OSGIN1: variants seen among roughly 807,000 people sequenced by gnomAD.
The protein encoded by OSGIN1 is oxidative stress induced growth inhibitor 1, also known as oxidative stress-induced growth inhibitor 1.
Under a neutral mutation model 20.1 loss-of-function variants are expected in OSGIN1, and 19 were observed. That is an observed-to-expected ratio of 0.95 (90% CI 0.66 to 1.39). OSGIN1 has a LOEUF of 1.39. Among genes scored for constraint, OSGIN1 ranks in the 40% most tolerant of loss-of-function variants. The pLI is 0.00. For missense variants in OSGIN1, 820 were observed against 653.0 expected, an observed-to-expected ratio of 1.26 and a Z score of -2.79; for synonymous variants, 368 against 297.8, an observed-to-expected ratio of 1.24 and a Z score of -2.43.
chr16:83,957,932 A>G (rs373955901), intron 2 of OSGIN1, among the ~76,000 whole-genome samples, 194 bp downstream of exon 2: 1 of 151,938 alleles, frequency 6.6e-6, no homozygotes, highest in Admixed American at 6.6e-5. Context: ...GCTGGAGTGC[A>G]GTAGTGCAAT....
At chr16:83,957,596 G>C (rs779890411) in intron 1 of OSGIN1, 44 bp from the exon 2 acceptor site, 1 of 985,578 alleles carries the variant, frequency 1.0e-6, no homozygotes, top group Non-Finnish European at 1.6e-6. Flanking sequence ...GGACACCCAG[G>C]CCTCACCCGA....
At chr16:83,958,203 T>C (rs1172716826) in intron 2 of OSGIN1, among the ~76,000 whole-genome samples, 1 of 152,208 alleles carries the variant, frequency 6.6e-6, no homozygotes, top group Admixed American at 6.5e-5. Context: ...ACAGTGGTCT[T>C]TAAATTAAGC....
At chr16:83,957,523 A>T (rs545836887) in intron 1 of OSGIN1, 117 bp from the exon 2 acceptor site, 3 of 640,656 alleles carry the variant, frequency 4.7e-6, no homozygotes, top group East Asian at 6.2e-5. Flanking sequence ...TCTCATGGGG[A>T]CCCCGGACCA....
intron 1 of OSGIN1, chr16:83,954,253 A>G (rs149610153): frequency 6.6e-6 from 1 of 152,376 alleles, no homozygotes; most frequent in Non-Finnish European, 1.5e-5. Context: ...ACGCAGACAT[A>G]CAGGTGTCCC....
chr16:83,965,738 G>T lies in OSGIN1; in HGVS notation c.1165G>T (p.Val389Phe), dbSNP rs1268159121. 1.2e-6 allele frequency: 2 copies of T among 1,613,646 alleles called. No homozygotes were observed. Among genetic ancestry groups the T allele is most frequent in the East Asian group, 4.5e-5 (2 of 44,872 alleles). ...CGAGGGTGTCGAGAAGGTGTTTGGGGTCTCCCTGGTGCTGGTCCTCATCGG... is the reference window on the plus strand; with the variant it reads ...CGAGGGTGTCGAGAAGGTGTTTGGGTTCTCCCTGGTGCTGGTCCTCATCGG... Reference protein sequence around the residue: ...DLEGVEKVFGVSLVLVLIGSH... With the variant: ...DLEGVEKVFGFSLVLVLIGSH... The change falls in exon 6 of 6, where the codon GTC (valine) becomes TTC (phenylalanine). Residue 389 changes from valine (V) to phenylalanine (F), a missense_variant. Coordinates refer to ENST00000393306, the MANE Select transcript of OSGIN1 (RefSeq NM_182981.3).
rs2084276770 is a variant in OSGIN1 at position 83,966,045 on chromosome 16, G to A, written c.*38G>A. The A allele has an allele frequency of 6.3e-6, 9 of 1,425,146 alleles. No homozygotes were observed. The highest frequency in any genetic ancestry group is 1.4e-5 in the African/African-American group (1 of 69,788). 88.3% of individuals were successfully genotyped at this position (1,425,146 alleles called of 1,614,324 possible). ...CCCGCTGGCTCCCAGGCCCTGAGAG[G>A]ACAGAGATGACCACATCCCTGCTGG... On this transcript the variant is annotated 3_prime_UTR_variant, in exon 6 of 6. Transcript: ENST00000393306.
chr16:83,965,321 G>A lies in OSGIN1; in HGVS notation c.748G>A (p.Asp250Asn), dbSNP rs766066892. The A allele has an allele frequency of 2.8e-5, 45 of 1,580,716 alleles. 1 individual carries two copies. The South Asian group carries it at 3.9e-4, about 14-fold the overall frequency. Residue 250 changes from aspartate to asparagine, a missense_variant, in exon 6 of 6, where the codon GAC (aspartate) becomes AAC (asparagine). Coordinates refer to ENST00000393306, the MANE Select transcript of OSGIN1 (RefSeq NM_182981.3). ...RNVVLATGTF[D>N]SPARLGIPGE... ...CGTGGTCCTCGCCACAGGCACGTTC[G>A]ACAGCCCGGCCCGGCTGGGCATCCC...
At position 83,966,013 on chromosome 16, in the gene OSGIN1, G is replaced by A. The variant is rs753099579; in HGVS notation, c.*6G>A. 1.2e-5 allele frequency: 19 copies of A among 1,528,794 alleles called. No homozygotes were observed. The highest frequency in any genetic ancestry group is 2.8e-5 in the African/African-American group (2 of 72,400). The allele number at this position is 1,528,794 out of a possible 1,614,324, so 94.7% of individuals were successfully genotyped here. A position where few individuals can be genotyped will look rare whatever the true frequency, so the allele number is the denominator to read the frequency against. On this transcript the variant is annotated 3_prime_UTR_variant, in exon 6 of 6. Coordinates refer to ENST00000393306, the MANE Select transcript of OSGIN1 (RefSeq NM_182981.3). Reference sequence around the variant, plus strand: ...AGACCAGGAAGCCACCCTAACACTCGGCCAGACCCGCTGGCTCCCAGGCCC... The same window carrying A: ...AGACCAGGAAGCCACCCTAACACTCAGCCAGACCCGCTGGCTCCCAGGCCC...
chr16:83,963,659 G>A (rs528519895), intron 5 of OSGIN1, among the ~76,000 whole-genome samples: 10 of 152,198 alleles, frequency 6.6e-5, no homozygotes, highest in African/African-American at 2.2e-4. Flanking sequence ...GACGGGCTGC[G>A]CTGGGTTGAC....
chr16:83,959,531 G>C, intron 3 of OSGIN1, 135 bp downstream of exon 3: 2 of 857,214 alleles, frequency 2.3e-6, no homozygotes, highest in Non-Finnish European at 3.5e-6. Context: ...AGTCCACAAA[G>C]TCAGCCACGG....
At position 83,965,540 on chromosome 16, in the gene OSGIN1, G is replaced by A; in HGVS notation, c.967G>A (p.Gly323Ser). The A allele has an allele frequency of 6.2e-7, 1 of 1,612,746 alleles. No individual in the cohort carries two copies. Among genetic ancestry groups the A allele is most frequent in the Non-Finnish European group, 8.5e-7 (1 of 1,180,014 alleles). ...HAFRRAVDDP[G>S]LVFNQLPKML... The stretch of plus-strand genomic sequence containing the variant: ...CTTCCGCCGGGCCGTGGACGACCCT[G>A]GCCTGGTGTTCAACCAGCTGCCCAA... Residue 323 changes from glycine to serine, a missense_variant, in exon 6 of 6, where the codon GGC becomes AGC. By Grantham distance (56) the Gly-to-Ser change is moderately conservative. Transcript: ENST00000393306.
At chr16:83,961,096 G>C in intron 5 of OSGIN1, 24 bp downstream of exon 5, 1 of 1,578,106 alleles carries the variant, frequency 6.3e-7, no homozygotes, top group East Asian at 2.2e-5. Context: ...GGAACGCCTT[G>C]GGGGACACGG....
chr16:83,965,697 C>A lies in OSGIN1; in HGVS notation c.1124C>A (p.Ala375Asp), dbSNP rs780546054. The A allele has an allele frequency of 2.5e-6, 4 of 1,613,662 alleles. No individual in the cohort carries two copies. The highest frequency in any genetic ancestry group is 3.4e-6 in the Non-Finnish European group (4 of 1,180,020). ...CTGTGCTTCAAGGAAGACTGCCAGG[C>A]CGTGTTCCAGGACCTCGAGGGTGTC... ...QLLCFKEDCQ[A>D]VFQDLEGVEK... Residue 375 changes from alanine to aspartate, a missense_variant, in exon 6 of 6, where the codon GCC becomes GAC. Coordinates refer to ENST00000393306, the MANE Select transcript of OSGIN1 (RefSeq NM_182981.3).
chr16:83,962,181 G>A (rs1031517334), intron 5 of OSGIN1, among the ~76,000 whole-genome samples: 6 of 152,006 alleles, frequency 3.9e-5, no homozygotes, highest in African/African-American at 1.2e-4. Context: ...CTAGAGAAAA[G>A]GTTTGTGAAC....
In OSGIN1 at chr16:83,960,995, C is replaced by T; in HGVS notation, c.411C>T (p.Ser137=). The T allele has an allele frequency of 6.2e-7, 1 of 1,613,324 alleles. No individual in the cohort carries two copies. The highest frequency in any genetic ancestry group is 1.1e-5 in the South Asian group (1 of 91,066). Residue 137 remains serine, a synonymous_variant, in exon 5 of 6, where the codon TCC becomes TCT. Transcript: ENST00000393306. The part of the protein sequence containing the change: ...PGGAWHSIEG[S]MVILSQGQWM... ...TTTCCCTGCAGTCCATCGAAGGCTC[C>T]ATGGTGATCCTGAGCCAAGGCCAGT... is the stretch of plus-strand genomic sequence containing the variant.
rs376458807 is a variant in OSGIN1 at position 83,959,435 on chromosome 16, C to T, written c.204+39C>T. Reference sequence around the variant, plus strand: ...GGGCCAGAGCTCTGGGTAGTACATACCCGCCCTTGGAAAACTACCGCCGCT... The same window carrying T: ...GGGCCAGAGCTCTGGGTAGTACATATCCGCCCTTGGAAAACTACCGCCGCT... On this transcript the variant is annotated intron_variant, in intron 3 of 5. Transcript: ENST00000393306. 6.1e-5 allele frequency: 94 copies of T among 1,549,756 alleles called. 2 individuals carry two copies. In the Middle Eastern group the frequency reaches 1.4e-3, roughly 23 times the overall value.
Position 83,966,014 on chromosome 16 carries a change from G to GCCAGACCCGCTGGCTC in OSGIN1, c.*12_*27dup. The GCCAGACCCGCTGGCTC allele has an allele frequency of 6.5e-7, 1 of 1,527,512 alleles. No individual in the cohort carries two copies. The highest frequency in any genetic ancestry group is 2.4e-5 in the East Asian group (1 of 41,400). 94.6% of individuals were successfully genotyped at this position (1,527,512 alleles called of 1,614,324 possible). A position where few individuals can be genotyped will look rare whatever the true frequency, so the allele number is the denominator to read the frequency against. ...GACCAGGAAGCCACCCTAACACTCGGCCAGACCCGCTGGCTCCCAGGCCCT... is the reference window on the plus strand; with the variant it reads ...GACCAGGAAGCCACCCTAACACTCGGCCAGACCCGCTGGCTCCCAGACCCGCTGGCTCCCAGGCCCT... On this transcript the variant is annotated 3_prime_UTR_variant, in exon 6 of 6. Transcript: ENST00000393306.
intron 5 of OSGIN1, among the ~76,000 whole-genome samples, chr16:83,962,421 T>C (rs1244236659): frequency 1.3e-5 from 2 of 152,180 alleles, no homozygotes; most frequent in African/African-American, 2.4e-5. Flanking sequence ...TTTTGTATTT[T>C]TAGTAGAGAC....
In OSGIN1 at chr16:83,960,872, C is replaced by A. The variant is rs997932433; in HGVS notation, c.397-109C>A. 8 of 1,473,834 alleles carry A rather than the reference C, an allele frequency of 5.4e-6. No individual in the cohort carries two copies. In the Admixed American group the frequency reaches 1.4e-4, roughly 26 times the overall value. The allele number at this position is 1,473,834 out of a possible 1,614,324, so 91.3% of individuals were successfully genotyped here. A position where few individuals can be genotyped will look rare whatever the true frequency, so the allele number is the denominator to read the frequency against. On this transcript the variant is annotated intron_variant, in intron 4 of 5. Transcript: ENST00000393306. ...CCTCATTCTCCACCCCGCAACCCTG[C>A]CTCTCCCTCCTCCCTCTACCCAGCC...
Sources: gnomAD v4.1 joint callset for allele counts (sites outside exome capture counted in the v4.1 genomes callset) on GRCh38, gnomAD v4.1.1 for gene constraint, MANE v1.5 for transcripts, NCBI Gene and HGNC (gene_info 2026-07-23, HGNC 2026-07-21) for gene names.